The following ADGRG7 variants were observed in gnomAD, a reference collection of about 807,000 sequenced individuals.
The protein encoded by ADGRG7 is adhesion G protein-coupled receptor G7, also known as G-protein coupled receptor 128.
A neutral mutation model predicts 88.6 loss-of-function variants in ADGRG7; 82 were observed. The ratio of observed to expected loss-of-function variants is 0.93; its 90% confidence interval spans 0.77 to 1.11. ADGRG7 has a LOEUF of 1.11. Ranked by LOEUF, ADGRG7 falls within the 50% of genes most tolerant of loss-of-function variation. The pLI, the probability that ADGRG7 is intolerant of heterozygous loss-of-function variation, is 0.00. For synonymous variants in ADGRG7, 381 were observed against 345.2 expected, an observed-to-expected ratio of 1.10 and a Z score of -1.15; for missense variants, 945 against 953.4, an observed-to-expected ratio of 0.99 and a Z score of 0.12.
intron 6 of ADGRG7, among the ~76,000 whole-genome samples, chr3:100,638,142 G>A (rs1707577516): frequency 6.6e-6 from 1 of 152,232 alleles, no homozygotes; most frequent in Non-Finnish European, 1.5e-5. Flanking sequence ...TGGGGTGGCT[G>A]CCCTCCACCA....
chr3:100,666,579 G>C lies in ADGRG7; in HGVS notation c.1980-2370G>C, dbSNP rs77073196. ...TGGACCGTACAATCGGGTTTTATAC[G>C]GAGACATTCCATTGCCCAGGGACGG... On this transcript the variant is annotated intron_variant, in intron 14 of 15. Coordinates refer to ENST00000273352, the MANE Select transcript of ADGRG7 (RefSeq NM_032787.3). Among the ~76,000 whole-genome samples the C allele has an allele frequency of 4.6e-3, 705 of 152,158 alleles. 7 individuals carry two copies. The highest frequency in any genetic ancestry group is 0.016 in the African/African-American group (671 of 41,492).
chr3:100,633,349 A>G lies in ADGRG7; in HGVS notation c.419A>G (p.Asn140Ser), dbSNP rs533780478. The change falls in exon 4 of 16, where the codon AAT becomes AGT. Residue 140 changes from asparagine (N) to serine (S), a missense_variant. Physicochemically the swap from Asn to Ser is conservative, Grantham distance 46. Coordinates refer to ENST00000273352, the MANE Select transcript of ADGRG7 (RefSeq NM_032787.3). ...ELQKVTIGNC[N>S]ENLETLEKQV... is the part of the protein sequence containing the mutation. ...CAAAAAGTGACAATAGGAAATTGCAATGAAAATCTGGAAACCCTGGAAAAG... is the reference window on the plus strand; with the variant it reads ...CAAAAAGTGACAATAGGAAATTGCAGTGAAAATCTGGAAACCCTGGAAAAG... 1.3e-5 allele frequency: 20 copies of G among 1,588,610 alleles called. No individual in the cohort carries two copies. The East Asian group carries it at 2.6e-4, about 20-fold the overall frequency.
intron 15 of ADGRG7, among the ~76,000 whole-genome samples, chr3:100,689,022 G>T (rs2094988305): frequency 6.6e-6 from 1 of 152,182 alleles, no homozygotes; most frequent in Non-Finnish European, 1.5e-5. Context: ...AAGTCTCTTT[G>T]TAGGTCTCTA....
intron 1 of ADGRG7, among the ~76,000 whole-genome samples, chr3:100,629,267 CTCTATCTATCTATCTATCTA>C (rs58092447): frequency 2.0e-5 from 3 of 148,922 alleles, no homozygotes; most frequent in African/African-American, 5.0e-5. Context: ...TCCATGTTGA[CTCTATCTATCTATCTATCTA>C]TCTATCTATC....
intron 15 of ADGRG7, among the ~76,000 whole-genome samples, chr3:100,694,456 C>T (rs1460595673): frequency 6.6e-6 from 1 of 152,138 alleles, no homozygotes; most frequent in East Asian, 1.9e-4. Context: ...TGAAGATTAT[C>T]AAGATTATGA....
chr3:100,630,617 C>A (rs1707446865), intron 2 of ADGRG7, 88 bp from the exon 3 acceptor site: 2 of 513,462 alleles, frequency 3.9e-6, no homozygotes, highest in Non-Finnish European at 6.1e-6. Context: ...TCAAATTTCA[C>A]TGCATAGGTT....
In ADGRG7 at chr3:100,635,670, A is replaced by C; in HGVS notation, c.448-7A>C. ...AGCTAGGGTTTTTTTTCTGGTTTTT[A>C]AAACAGGTAAAGGATGTCACAGCAC... On this transcript the variant is annotated splice_region_variant and splice_polypyrimidine_tract_variant and intron_variant, in intron 4 of 15. Coordinates refer to ENST00000273352, the MANE Select transcript of ADGRG7 (RefSeq NM_032787.3). 1 of 1,606,044 alleles carries C rather than the reference A, an allele frequency of 6.2e-7. No homozygotes were observed. Among genetic ancestry groups the C allele is most frequent in the Middle Eastern group, 1.7e-4 (1 of 6,008 alleles).
chr3:100,643,501 A>C, intron 7 of ADGRG7, 25 bp from the exon 8 acceptor site: 1 of 1,608,254 alleles, frequency 6.2e-7, no homozygotes, highest in South Asian at 1.1e-5. Context: ...AGACTTTTAC[A>C]ATTCTACTCT....
intron 11 of ADGRG7, among the ~76,000 whole-genome samples, chr3:100,652,975 G>C (rs2094931932): frequency 6.6e-6 from 1 of 152,146 alleles, no homozygotes; most frequent in Non-Finnish European, 1.5e-5. Context: ...TCCAATAAAG[G>C]GATAGTCCTT....
At position 100,610,527 on chromosome 3, in the gene ADGRG7, G is replaced by A. The variant is rs543453215; in HGVS notation, c.115+556G>A. On this transcript the variant is annotated intron_variant, in intron 1 of 15. Coordinates refer to ENST00000273352, the MANE Select transcript of ADGRG7 (RefSeq NM_032787.3). ...AAAAATTTAAAAACCATTTTTAAAT[G>A]ACTTTCCTGATTATTCAACGAACAT... is the stretch of plus-strand genomic sequence containing the variant. Among the ~76,000 whole-genome samples the A allele has an allele frequency of 2.6e-5, 4 of 152,288 alleles. No homozygotes were observed. The South Asian group carries it at 8.3e-4, about 32-fold the overall frequency.
At chr3:100,627,892 C>T (rs181182840) in intron 1 of ADGRG7, among the ~76,000 whole-genome samples, 16 of 152,136 alleles carry the variant, frequency 1.1e-4, no homozygotes, top group Admixed American at 9.8e-4. Flanking sequence ...TCTCTTTTCC[C>T]CTTCTAGGAC....
At chr3:100,618,946 T>G (rs957317918) in intron 1 of ADGRG7, among the ~76,000 whole-genome samples, 1 of 152,192 alleles carries the variant, frequency 6.6e-6, no homozygotes, top group Non-Finnish European at 1.5e-5. Context: ...CTTTGTAAGT[T>G]GGATTCCTAG....
At chr3:100,642,812 C>T (rs1202318774) in intron 6 of ADGRG7, among the ~76,000 whole-genome samples, 1 of 152,144 alleles carries the variant, frequency 6.6e-6, no homozygotes, top group Admixed American at 6.6e-5. Context: ...ACTGTCACCT[C>T]AGGAACGAAC....
At chr3:100,629,074 CT>C (rs1469012659) in intron 1 of ADGRG7, among the ~76,000 whole-genome samples, 1 of 152,108 alleles carries the variant, frequency 6.6e-6, no homozygotes, top group Admixed American at 6.6e-5. Context: ...CACATCAGAA[CT>C]TTCCATGTTT....
intron 4 of ADGRG7, 92 bp downstream of exon 4, chr3:100,633,469 T>G (rs1707486403): frequency 1.8e-6 from 1 of 544,760 alleles, no homozygotes; most frequent in Non-Finnish European, 3.1e-6. Flanking sequence ...AAATCAATTC[T>G]TTTAAAACTC....
At chr3:100,610,023 C>T in intron 1 of ADGRG7, 52 bp downstream of exon 1, 1 of 1,396,350 alleles carries the variant, frequency 7.2e-7, no homozygotes, top group Non-Finnish European at 1.0e-6. Context: ...TATGGGACCT[C>T]TGTCCCTGCC....
intron 1 of ADGRG7, among the ~76,000 whole-genome samples, chr3:100,613,869 G>T (rs114972874): frequency 7.2e-5 from 11 of 152,174 alleles, no homozygotes; most frequent in Admixed American, 1.3e-4. Flanking sequence ...ACAAGAGTAG[G>T]GGAAAGAAAA....
intron 1 of ADGRG7, among the ~76,000 whole-genome samples, chr3:100,611,287 C>CCTTT (rs1559666861): frequency 1.3e-4 from 19 of 144,420 alleles, no homozygotes; most frequent in East Asian, 4.1e-4. Context: ...TTCCTTCCTT[C>CCTTT]CTTCCTTCCT....
chr3:100,656,691 TC>T (rs2094937982), intron 13 of ADGRG7, among the ~76,000 whole-genome samples: 1 of 152,152 alleles, frequency 6.6e-6, no homozygotes, highest in Admixed American at 6.5e-5. Context: ...ATCTAACTAT[TC>T]ATATCTCCAA....
Sources: gnomAD v4.1 joint callset for allele counts (sites outside exome capture counted in the v4.1 genomes callset) on GRCh38, gnomAD v4.1.1 for gene constraint, MANE v1.5 for transcripts, NCBI Gene and HGNC (gene_info 2026-07-23, HGNC 2026-07-21) for gene names.